DCLRE1C: variants seen among roughly 807,000 people sequenced by gnomAD.
DCLRE1C encodes the protein DNA cross-link repair 1C.
In DCLRE1C, 47 loss-of-function variants were observed where a neutral mutation model predicts 61.4. The ratio of observed to expected loss-of-function variants is 0.77; its 90% CI spans 0.61 to 0.98. The LOEUF is 0.98. DCLRE1C is among the 50% of genes least tolerant of loss of function. The probability of loss-of-function intolerance (pLI) is 0.00; values close to 1 mark genes in which losing one functional copy is unlikely to be tolerated. For synonymous variants in DCLRE1C, 337 were observed against 287.6 expected, an observed-to-expected ratio of 1.17 and a Z score of -1.74; for missense variants, 858 against 816.0, an observed-to-expected ratio of 1.05 and a Z score of -0.63.
chr10:14,924,307 A>G (rs1055536570), intron 11 of DCLRE1C, among the ~76,000 whole-genome samples: 27 of 152,204 alleles, frequency 1.8e-4, no homozygotes, highest in African/African-American at 6.3e-4. Flanking sequence ...AAACAATTAC[A>G]TGCAAAAACT....
At chr10:14,944,972 G>A (rs750781359) in intron 3 of DCLRE1C, 133 bp downstream of exon 3, 124 of 661,214 alleles carry the variant, frequency 1.9e-4, no homozygotes, top group Non-Finnish European at 2.8e-4. Context: ...ACCATGTCCG[G>A]CCAGAGACTC....
At chr10:14,899,528 T>C in intron 13 of DCLRE1C, 9 of 1,613,248 alleles carry the variant, frequency 5.6e-6, no homozygotes, top group Non-Finnish European at 6.8e-6. Context: ...CTTACAGTTT[T>C]TTCTGTTTAG....
chr10:14,912,238 CAG>C (rs1835376532), intron 13 of DCLRE1C, among the ~76,000 whole-genome samples: 2 of 152,016 alleles, frequency 1.3e-5, no homozygotes, highest in African/African-American at 4.8e-5. Flanking sequence ...TTTTTTTAAG[CAG>C]AGACAAGTTT....
At chr10:14,941,840 T>G (rs1359027029) in intron 3 of DCLRE1C, among the ~76,000 whole-genome samples, 1 of 152,114 alleles carries the variant, frequency 6.6e-6, no homozygotes, top group East Asian at 1.9e-4. Flanking sequence ...CATTCACACA[T>G]TTTCTGCATC....
At chr10:14,944,999 T>C in intron 3 of DCLRE1C, 106 bp downstream of exon 3, 1 of 786,630 alleles carries the variant, frequency 1.3e-6, no homozygotes, top group Admixed American at 2.3e-5. Flanking sequence ...CTAATTAATG[T>C]GGATAACTGA....
chr10:14,919,966 C>G lies in DCLRE1C; in HGVS notation c.1062-134G>C, dbSNP rs988826146. ...TCCCTGTTTTTAACAAAATCTTGAC[C>G]ATAAGGGAAATCACACAACTACTTT... On this transcript the variant is annotated intron_variant, in intron 12 of 13. Coordinates refer to ENST00000378278, the MANE Select transcript of DCLRE1C (RefSeq NM_001033855.3). 7 of 732,606 alleles carry G rather than the reference C, an allele frequency of 9.6e-6. No individual in the cohort carries two copies. The African/African-American group carries it at 1.1e-4, about 11-fold the overall frequency. 45.4% of individuals were successfully genotyped at this position (732,606 alleles called of 1,614,324 possible).
In DCLRE1C at chr10:14,923,073, G is replaced by C. The variant is rs1478233633; in HGVS notation, c.973-4C>G. 6.2e-7 allele frequency: 1 copy of C among 1,605,998 alleles called. No homozygotes were observed. Among genetic ancestry groups the C allele is most frequent in the Admixed American group, 1.7e-5 (1 of 59,996 alleles). Reference sequence around the variant, plus strand: ...GGTAGCTCAAGAAATCTTTAATCTAGAAAAAGGAAAATCACATGGATCAAC... The same window carrying C: ...GGTAGCTCAAGAAATCTTTAATCTACAAAAAGGAAAATCACATGGATCAAC... On this transcript the variant is annotated splice_polypyrimidine_tract_variant and splice_region_variant and intron_variant, in intron 11 of 13. Transcript: ENST00000378278.
At position 14,954,094 on chromosome 10, in the gene DCLRE1C, G is replaced by A; in HGVS notation, c.-84C>T. On this transcript the variant is annotated 5_prime_UTR_variant, in exon 1 of 14. Transcript: ENST00000378278. ...CTGACCGCGCCGCCACTTCCGGGAA[G>A]CCGCGCGCTGCCTCGCCATTGGGCG... is the stretch of plus-strand genomic sequence containing the variant. 2 of 1,597,020 alleles carry A rather than the reference G, an allele frequency of 1.3e-6. No individual in the cohort carries two copies. The highest frequency in any genetic ancestry group is 1.7e-6 in the Non-Finnish European group (2 of 1,174,676).
chr10:14,899,083 G>T (rs1833806797), exon 14 of DCLRE1C: 1 of 614,996 alleles, frequency 1.6e-6, no homozygotes, highest in South Asian at 1.9e-5. Context: ...ACTTGGGGAG[G>T]TCAAGGCTGG....
intron 5 of DCLRE1C, 82 bp from the exon 6 acceptor site, chr10:14,935,646 A>C: frequency 1.5e-6 from 2 of 1,300,134 alleles, no homozygotes; most frequent in Non-Finnish European, 2.2e-6. Context: ...TGCATACTAA[A>C]TGCTTCCTGC....
chr10:14,915,872 A>C (rs1257485760), intron 13 of DCLRE1C, among the ~76,000 whole-genome samples: 1 of 152,196 alleles, frequency 6.6e-6, no homozygotes, highest in Admixed American at 6.5e-5. Context: ...AGTAAATGAG[A>C]AAATTCTTAC....
At chr10:14,934,219 T>A (rs1206794842) in intron 8 of DCLRE1C, among the ~76,000 whole-genome samples, 161 bp downstream of exon 8, 3 of 150,420 alleles carry the variant, frequency 2.0e-5, no homozygotes, top group South Asian at 4.2e-4. Context: ...TCCCAGCTAC[T>A]CAGGAGGCTG....
chr10:14,939,949 T>C lies in DCLRE1C; in HGVS notation c.247-80A>G, dbSNP rs1315659695. The C allele has an allele frequency of 8.2e-5, 91 of 1,103,368 alleles. No individual in the cohort carries two copies. The Middle Eastern group carries it at 9.8e-4, about 12-fold the overall frequency. 68.3% of individuals were successfully genotyped at this position (1,103,368 alleles called of 1,614,324 possible). On this transcript the variant is annotated intron_variant, in intron 3 of 13. Coordinates refer to ENST00000378278, the MANE Select transcript of DCLRE1C (RefSeq NM_001033855.3). ...GCCTTTGCTGTCTGAAACACAGAAA[T>C]GGGGCAAAGAGAAGTTTCAGACTCT...
chr10:14,931,225 A>T (rs937390846), intron 9 of DCLRE1C, among the ~76,000 whole-genome samples: 2 of 152,224 alleles, frequency 1.3e-5, no homozygotes, highest in African/African-American at 4.8e-5. Context: ...AAAGTCTTGT[A>T]CTCAGCGTTT....
chr10:14,936,408 A>G, intron 5 of DCLRE1C, 130 bp downstream of exon 5: 1 of 692,116 alleles, frequency 1.4e-6, no homozygotes, highest in Non-Finnish European at 2.5e-6. Flanking sequence ...TCAGCCTCCC[A>G]AAGCACTGGG....
At chr10:14,933,912 C>T (rs1489278021) in intron 8 of DCLRE1C, among the ~76,000 whole-genome samples, 6 of 152,122 alleles carry the variant, frequency 3.9e-5, no homozygotes, top group Non-Finnish European at 7.4e-5. Flanking sequence ...CTTCAGAGGG[C>T]CCGCGAACCT....
Position 14,908,833 on chromosome 10 carries a change from C to T in DCLRE1C, c.1654G>A (p.Asp552Asn), listed in dbSNP as rs754963036. 1.2e-6 allele frequency: 2 copies of T among 1,614,198 alleles called. No individual in the cohort carries two copies. The highest frequency in any genetic ancestry group is 1.7e-6 in the Non-Finnish European group (2 of 1,180,032). Residue 552 changes from aspartate (D) to asparagine (N), a missense_variant, in exon 14 of 14, where the codon GAC (aspartate) becomes AAC (asparagine). Transcript: ENST00000378278. Reference sequence around the variant, plus strand: ...AACAAAACAGTATCAGATTGGCTGTCCCAGCCTTGACTTCCTTGTTCTGTT... The same window carrying T: ...AACAAAACAGTATCAGATTGGCTGTTCCAGCCTTGACTTCCTTGTTCTGTT... ...HITEQGSQGW[D>N]SQSDTVLLSS... is the part of the protein sequence containing the mutation.
chr10:14,951,557 T>TGTTTTG (rs1842471285), intron 1 of DCLRE1C, among the ~76,000 whole-genome samples: 1 of 152,134 alleles, frequency 6.6e-6, no homozygotes, highest in African/African-American at 2.4e-5. Context: ...GGAAAGGTAG[T>TGTTTTG]GTTTTGGTTG....
At chr10:14,921,499 T>G (rs547711663) in intron 12 of DCLRE1C, among the ~76,000 whole-genome samples, 107 of 152,338 alleles carry the variant, frequency 7.0e-4, no homozygotes, top group Admixed American at 2.5e-3. Flanking sequence ...TCAAACTTTT[T>G]ATATAGTCTG....
Sources: allele counts gnomAD v4.1 joint callset (sites outside exome capture counted in the v4.1 genomes callset), GRCh38; gene constraint gnomAD v4.1.1; transcripts MANE v1.5; gene names NCBI Gene and HGNC (gene_info 2026-07-23, HGNC 2026-07-21).